Variants in OR56B1 observed in about 807,000 individuals in gnomAD.
OR56B1 encodes the protein olfactory receptor 56B1.
In OR56B1, 13 loss-of-function variants were observed where a neutral mutation model predicts 11.4. That is an observed-to-expected ratio of 1.14 (90% CI 0.74 to 1.81). OR56B1 has a LOEUF of 1.81. Among genes scored for constraint, OR56B1 ranks in the 40% most tolerant of loss-of-function variants. The probability of loss-of-function intolerance (pLI) is 0.00; values close to 1 mark genes in which losing one functional copy is unlikely to be tolerated. For synonymous variants in OR56B1, 158 were observed against 143.6 expected (o/e 1.10, Z -0.72); for missense variants, 434 against 379.3 (o/e 1.14, Z -1.20).
In OR56B1 at chr11:5,737,363, C is replaced by G. The variant is rs1372013246; in HGVS notation, c.847C>G (p.Leu283Val). 1.2e-6 allele frequency: 2 copies of G among 1,613,966 alleles called. No homozygotes were observed. The highest frequency in any genetic ancestry group is 1.7e-5 in the Admixed American group (1 of 59,994). ...GATGAAGGCTACTTTGATTCCAGTTCTACTTAATGTGTTGCACAACATCAT... is the reference window on the plus strand; with the variant it reads ...GATGAAGGCTACTTTGATTCCAGTTGTACTTAATGTGTTGCACAACATCAT... The part of the protein sequence containing the change: ...TEMKATLIPV[L>V]LNVLHNIIPP... Residue 283 changes from leucine (L) to valine (V), a missense_variant, in exon 1 of 1, where the codon CTA becomes GTA. Coordinates refer to ENST00000317121, the MANE Select transcript of OR56B1 (RefSeq NM_001005180.3).
rs778458182 is a variant in OR56B1 at position 5,736,939 on chromosome 11, T to C, written c.423T>C (p.Tyr141=). 2.5e-6 allele frequency: 4 copies of C among 1,614,084 alleles called. No homozygotes were observed. Among genetic ancestry groups the C allele is most frequent in the Non-Finnish European group, 3.4e-6 (4 of 1,179,990 alleles). Residue 141 remains tyrosine (Y), a synonymous_variant, in exon 1 of 1, where the codon TAT becomes TAC. Transcript: ENST00000317121. ...RYVAICHPLR[Y]PSIVTSSLIL... is the part of the protein sequence containing the mutation. ...TGGCTATTTGTCACCCTCTTCGCTA[T>C]CCATCAATTGTCACCAGTTCCTTAA...
chr11:5,736,822 C>G lies in OR56B1; in HGVS notation c.306C>G (p.Ser102Arg). 1 of 1,613,958 alleles carries G rather than the reference C, an allele frequency of 6.2e-7. No homozygotes were observed. The highest frequency in any genetic ancestry group is 2.2e-5 in the East Asian group (1 of 44,846). The change falls in exon 1 of 1, where the codon AGC (serine) becomes AGG (arginine). Residue 102 changes from serine (S) to arginine (R), a missense_variant. By Grantham distance (110) the Ser-to-Arg change is moderately radical. Coordinates refer to ENST00000317121, the MANE Select transcript of OR56B1 (RefSeq NM_001005180.3). ...TCTGGTTTGATGCCAAGGTTATTAG[C>G]CTCCCTGAGTGCTTTGCTCAGATTT... The part of the protein sequence containing the change: ...AIFWFDAKVI[S>R]LPECFAQIYA...
rs1853959743 is a variant in OR56B1, at chr11:5,738,293, G to C, written c.*802G>C. ...CTACTCCCAGCCTGCTTTGACATGA[G>C]GGTTTTCACTGGATATGTCCCTTCT... On this transcript the variant is annotated 3_prime_UTR_variant, in exon 1 of 1. Coordinates refer to ENST00000317121, the MANE Select transcript of OR56B1 (RefSeq NM_001005180.3). 6.6e-6 allele frequency: 1 copy of C among 152,214 alleles called. No individual in the cohort carries two copies. Among genetic ancestry groups the C allele is most frequent in the African/African-American group, 2.4e-5 (1 of 41,424 alleles). 9.4% of individuals were successfully genotyped at this position (152,214 alleles called of 1,614,324 possible).
Position 5,737,256 on chromosome 11 carries a change from T to C in OR56B1, c.740T>C (p.Leu247Pro), listed in dbSNP as rs200213218. The change falls in exon 1 of 1, where the codon CTG becomes CCG. Residue 247 changes from leucine (L) to proline (P), a missense_variant. By Grantham distance (98) the Leu-to-Pro change is moderately conservative (BLOSUM62 -3). Transcript: ENST00000317121. ...LNSAEAAAKA[L>P]STCSSHLTLI... The stretch of plus-strand genomic sequence containing the variant: ...TCAGCTGAAGCTGCAGCCAAGGCCC[T>C]GAGCACTTGTAGTTCACATCTCACC... The C allele has an allele frequency of 6.2e-7, 1 of 1,614,028 alleles. No individual in the cohort carries two copies. Among genetic ancestry groups the C allele is most frequent in the Non-Finnish European group, 8.5e-7 (1 of 1,179,992 alleles).
In OR56B1 at chr11:5,737,131, C is replaced by G. The variant is rs1481263876; in HGVS notation, c.615C>G (p.Ser205Arg). ...SLACDDRRPN[S>R]ICQLVLAWLG... ...CTTGTGATGACAGGAGGCCAAACAGCATTTGCCAGTTGGTTCTGGCATGGC... is the reference window on the plus strand; with the variant it reads ...CTTGTGATGACAGGAGGCCAAACAGGATTTGCCAGTTGGTTCTGGCATGGC... Residue 205 changes from serine (S) to arginine (R), a missense_variant, in exon 1 of 1, where the codon AGC (serine) becomes AGG (arginine). Ser to Arg is a moderately radical substitution (Grantham distance 110). Transcript: ENST00000317121. The G allele has an allele frequency of 6.2e-7, 1 of 1,613,846 alleles. No homozygotes were observed. The highest frequency in any genetic ancestry group is 2.2e-5 in the East Asian group (1 of 44,828).
In OR56B1 at chr11:5,737,500, T is replaced by C; in HGVS notation, c.*9T>C. 1 of 1,598,612 alleles carries C rather than the reference T, an allele frequency of 6.3e-7. No homozygotes were observed. Among genetic ancestry groups the C allele is most frequent in the African/African-American group, 1.3e-5 (1 of 74,402 alleles). On this transcript the variant is annotated 3_prime_UTR_variant, in exon 1 of 1. Transcript: ENST00000317121. Reference sequence around the variant, plus strand: ...AAGAAATAAGATCTTAGAGACCTTCTCCATGATGTACATGAACCTCAGCTT... The same window carrying C: ...AAGAAATAAGATCTTAGAGACCTTCCCCATGATGTACATGAACCTCAGCTT...
At position 5,737,303 on chromosome 11, in the gene OR56B1, ATTG is replaced by A. The variant is rs1265598595; in HGVS notation, c.792_794del (p.Val266del). 4 of 1,613,884 alleles carry A rather than the reference ATTG, an allele frequency of 2.5e-6. No homozygotes were observed. The highest frequency in any genetic ancestry group is 3.4e-6 in the Non-Finnish European group (4 of 1,179,942). ...CACCCTCATCCTTTTCTTTTACACT[ATTG>A]TTGTAGTGATTTCAGTGACTCATCT... On this transcript the variant is annotated inframe_deletion, in exon 1 of 1. Transcript: ENST00000317121.
Position 5,737,113 on chromosome 11 carries a change from T to A in OR56B1, c.597T>A (p.Asp199Glu). 6.2e-7 allele frequency: 1 copy of A among 1,614,012 alleles called. No individual in the cohort carries two copies. The highest frequency in any genetic ancestry group is 8.5e-7 in the Non-Finnish European group (1 of 1,180,000). ...TTGGGGTCACAAGCCTGGCTTGTGA[T>A]GACAGGAGGCCAAACAGCATTTGCC... ...SNLGVTSLACDDRRPNSICQL... is the reference protein window; with the variant it reads ...SNLGVTSLACEDRRPNSICQL... The change falls in exon 1 of 1, where the codon GAT (aspartate) becomes GAA (glutamate). Residue 199 changes from aspartate to glutamate, a missense_variant. By Grantham distance (45) the Asp-to-Glu change is conservative. Coordinates refer to ENST00000317121, the MANE Select transcript of OR56B1 (RefSeq NM_001005180.3).
rs533672628 is a variant in OR56B1 at position 5,738,455 on chromosome 11, T to C, written c.*964T>C. The C allele has an allele frequency of 1.0e-5, 1 of 96,736 alleles. No individual in the cohort carries two copies. The highest frequency in any genetic ancestry group is 2.2e-5 in the Non-Finnish European group (1 of 45,308). The allele number at this position is 96,736 out of a possible 1,614,324, so 6.0% of individuals were successfully genotyped here. A position where few individuals can be genotyped will look rare whatever the true frequency, so the allele number is the denominator to read the frequency against. On this transcript the variant is annotated 3_prime_UTR_variant, in exon 1 of 1. Coordinates refer to ENST00000317121, the MANE Select transcript of OR56B1 (RefSeq NM_001005180.3). ...TGAGTGCCCAGCATCCATTATTTTT[T>C]AATATCCACTTGTTTTCTTAAACAA...
chr11:5,736,541 A>G lies in OR56B1; in HGVS notation c.25A>G (p.Lys9Glu), dbSNP rs1853910832. The G allele has an allele frequency of 6.2e-7, 1 of 1,613,624 alleles. No individual in the cohort carries two copies. The highest frequency in any genetic ancestry group is 1.7e-5 in the Admixed American group (1 of 59,958). The change falls in exon 1 of 1, where the codon AAA becomes GAA. Residue 9 changes from lysine to glutamate, a missense_variant. Physicochemically the swap from Lys to Glu is moderately conservative, Grantham distance 56. Transcript: ENST00000317121. ...CATGAATCATATGTCTGCATCTCTC[A>G]AAATCTCCAATAGCTCCAAATTCCA... Reference protein sequence around the residue: MNHMSASLKISNSSKFQVS... With the variant: MNHMSASLEISNSSKFQVS...
chr11:5,738,060 A>G lies in OR56B1; in HGVS notation c.*569A>G, dbSNP rs568800293. On this transcript the variant is annotated 3_prime_UTR_variant, in exon 1 of 1. Coordinates refer to ENST00000317121, the MANE Select transcript of OR56B1 (RefSeq NM_001005180.3). ...TGGACAGACAGAACCCAAAAGATTC[A>G]TCTAGCTAGAAGGATCTGGTGCTTA... The G allele has an allele frequency of 1.3e-5, 2 of 153,988 alleles. No homozygotes were observed. The highest frequency in any genetic ancestry group is 1.3e-4 in the Admixed American group (2 of 15,546). The allele number at this position is 153,988 out of a possible 1,614,324, so 9.5% of individuals were successfully genotyped here. A position where few individuals can be genotyped will look rare whatever the true frequency, so the allele number is the denominator to read the frequency against.
Position 5,737,978 on chromosome 11 carries a change from GA to G in OR56B1, c.*488del. The G allele has an allele frequency of 6.4e-6, 1 of 156,072 alleles. No homozygotes were observed. 9.7% of individuals were successfully genotyped at this position (156,072 alleles called of 1,614,324 possible). On this transcript the variant is annotated 3_prime_UTR_variant, in exon 1 of 1. Transcript: ENST00000317121. ...AGAGGTCGGAAAAGAAAATAATTCAGATAAAGCCAAATCAGTCAATGATGAG... is the reference window on the plus strand; with the variant it reads ...AGAGGTCGGAAAAGAAAATAATTCAGTAAAGCCAAATCAGTCAATGATGAG...
Position 5,736,712 on chromosome 11 carries a change from C to A in OR56B1, c.196C>A (p.Gln66Lys). 6.2e-7 allele frequency: 1 copy of A among 1,614,022 alleles called. No individual in the cohort carries two copies. Among genetic ancestry groups the A allele is most frequent in the Non-Finnish European group, 8.5e-7 (1 of 1,179,988 alleles). Residue 66 changes from glutamine (Q) to lysine (K), a missense_variant, in exon 1 of 1, where the codon CAG becomes AAG. Physicochemically the swap from Gln to Lys is moderately conservative, Grantham distance 53. Coordinates refer to ENST00000317121, the MANE Select transcript of OR56B1 (RefSeq NM_001005180.3). ...IIIWQNPSLQ[Q>K]PMYIFLGILC... is the part of the protein sequence containing the mutation. Reference sequence around the variant, plus strand: ...CATCTGGCAGAACCCTTCTTTACAGCAGCCCATGTATATTTTCCTTGGCAT... The same window carrying A: ...CATCTGGCAGAACCCTTCTTTACAGAAGCCCATGTATATTTTCCTTGGCAT...
chr11:5,736,678 C>T lies in OR56B1; in HGVS notation c.162C>T (p.Ile54=), dbSNP rs1853915626. 3 of 1,614,042 alleles carry T rather than the reference C, an allele frequency of 1.9e-6. No individual in the cohort carries two copies. Among genetic ancestry groups the T allele is most frequent in the Non-Finnish European group, 2.5e-6 (3 of 1,179,972 alleles). The change falls in exon 1 of 1, where the codon ATC becomes ATT. Residue 54 remains isoleucine (I), a synonymous_variant. Transcript: ENST00000317121. ...CAGCACTTGCTGCAAACACCCTCAT[C>T]CTCATCATCATCTGGCAGAACCCTT... The part of the protein sequence containing the change: ...YLSALAANTL[I]LIIIWQNPSL...
rs1347860411 is a variant in OR56B1 at position 5,736,751 on chromosome 11, G to C, written c.235G>C (p.Asp79His). 5.0e-6 allele frequency: 8 copies of C among 1,613,920 alleles called. No homozygotes were observed. The South Asian group carries it at 6.6e-5, about 13-fold the overall frequency. The change falls in exon 1 of 1, where the codon GAC (aspartate) becomes CAC (histidine). Residue 79 changes from aspartate to histidine, a missense_variant. By Grantham distance (81) the Asp-to-His change is moderately conservative. Coordinates refer to ENST00000317121, the MANE Select transcript of OR56B1 (RefSeq NM_001005180.3). ...YIFLGILCMV[D>H]MGLATTIIPK... is the part of the protein sequence containing the mutation. ...TTTCCTTGGCATCCTCTGTATGGTAGACATGGGTCTGGCCACTACTATCAT... is the reference window on the plus strand; with the variant it reads ...TTTCCTTGGCATCCTCTGTATGGTACACATGGGTCTGGCCACTACTATCAT...
rs1244267196 is a variant in OR56B1 at position 5,737,671 on chromosome 11, G to C, written c.*180G>C. ...ACAGTAGCCTAAAATATTGACAAAA[G>C]CTAAATATTTAAATATATTTGAGAA... On this transcript the variant is annotated 3_prime_UTR_variant, in exon 1 of 1. Coordinates refer to ENST00000317121, the MANE Select transcript of OR56B1 (RefSeq NM_001005180.3). 1.9e-6 allele frequency: 1 copy of C among 517,218 alleles called. No individual in the cohort carries two copies. The highest frequency in any genetic ancestry group is 3.2e-6 in the Non-Finnish European group (1 of 310,178). The allele number at this position is 517,218 out of a possible 1,614,324, so 32.0% of individuals were successfully genotyped here.
chr11:5,737,363 C>T lies in OR56B1; in HGVS notation c.847C>T (p.Leu283=). 6.2e-7 allele frequency: 1 copy of T among 1,614,084 alleles called. No homozygotes were observed. Among genetic ancestry groups the T allele is most frequent in the Non-Finnish European group, 8.5e-7 (1 of 1,179,966 alleles). Reference sequence around the variant, plus strand: ...GATGAAGGCTACTTTGATTCCAGTTCTACTTAATGTGTTGCACAACATCAT... The same window carrying T: ...GATGAAGGCTACTTTGATTCCAGTTTTACTTAATGTGTTGCACAACATCAT... ...TEMKATLIPV[L]LNVLHNIIPP... The change falls in exon 1 of 1, where the codon CTA becomes TTA. Residue 283 remains leucine, a synonymous_variant. Transcript: ENST00000317121.
chr11:5,737,176 A>G lies in OR56B1; in HGVS notation c.660A>G (p.Leu220=). The change falls in exon 1 of 1, where the codon CTA becomes CTG. Residue 220 remains leucine (L), a synonymous_variant. Coordinates refer to ENST00000317121, the MANE Select transcript of OR56B1 (RefSeq NM_001005180.3). ...CATGGCTTGGAATGGGGAGTGATCTAAGTCTTATTATACTGTCATATATTT... is the reference window on the plus strand; with the variant it reads ...CATGGCTTGGAATGGGGAGTGATCTGAGTCTTATTATACTGTCATATATTT... ...VLAWLGMGSD[L]SLIILSYILI... is the part of the protein sequence containing the mutation. The G allele has an allele frequency of 1.9e-6, 3 of 1,613,958 alleles. No individual in the cohort carries two copies. The highest frequency in any genetic ancestry group is 2.5e-6 in the Non-Finnish European group (3 of 1,179,960).
At position 5,737,394 on chromosome 11, in the gene OR56B1, C is replaced by A; in HGVS notation, c.878C>A (p.Pro293His). ...AATGTGTTGCACAACATCATCCCCC[C>A]TTCCCTCAACCCTACAGTTTATGCA... Reference protein sequence around the residue: ...LLNVLHNIIPPSLNPTVYALQ... With the variant: ...LLNVLHNIIPHSLNPTVYALQ... The change falls in exon 1 of 1, where the codon CCT becomes CAT. Residue 293 changes from proline (P) to histidine (H), a missense_variant. Transcript: ENST00000317121. 1 of 1,614,100 alleles carries A rather than the reference C, an allele frequency of 6.2e-7. No homozygotes were observed. The highest frequency in any genetic ancestry group is 8.5e-7 in the Non-Finnish European group (1 of 1,179,958).
Sources: gnomAD v4.1 joint callset for allele counts on GRCh38, gnomAD v4.1.1 for gene constraint, MANE v1.5 for transcripts, NCBI Gene and HGNC (gene_info 2026-07-23, HGNC 2026-07-21) for gene names.